Variants in ULK4 observed in about 807,000 individuals in gnomAD.
The protein encoded by ULK4 is inactive serine/threonine-protein kinase ULK4.
ULK4 carries 133 observed loss-of-function variants against 160.6 expected under a neutral mutation model. The observed-to-expected ratio is 0.83, with a 90% CI of 0.72 to 0.96. The LOEUF (loss-of-function observed/expected upper bound fraction) is 0.96. Ranked by LOEUF, ULK4 falls within the 40% of genes least tolerant of loss-of-function variation. The probability of loss-of-function intolerance (pLI) is 0.00; values close to 1 mark genes in which losing one functional copy is unlikely to be tolerated. For missense variants in ULK4, 1,580 were observed against 1,499.5 expected (o/e 1.05, Z -0.89); for synonymous variants, 534 against 539.8 (o/e 0.99, Z 0.15).
intron 32 of ULK4, among the ~76,000 whole-genome samples, chr3:41,491,387 C>T (rs190611614): frequency 5.3e-5 from 8 of 152,058 alleles, no homozygotes; most frequent in African/African-American, 9.6e-5. Flanking sequence ...ACAATGACCA[C>T]GACCATATAT....
chr3:41,400,799 C>T (rs1292193121), intron 34 of ULK4, among the ~76,000 whole-genome samples: 1 of 152,196 alleles, frequency 6.6e-6, no homozygotes, highest in Admixed American at 6.6e-5. Flanking sequence ...TTCCTAGCAT[C>T]AATGTACAAA....
At chr3:41,530,719 G>A (rs1354887448) in intron 32 of ULK4, among the ~76,000 whole-genome samples, 4 of 152,120 alleles carry the variant, frequency 2.6e-5, no homozygotes, top group Non-Finnish European at 5.9e-5. Context: ...AAAACAACTA[G>A]AATAACTGAA....
At chr3:41,625,301 T>C (rs2033446316) in intron 30 of ULK4, among the ~76,000 whole-genome samples, 1 of 152,234 alleles carries the variant, frequency 6.6e-6, no homozygotes, top group African/African-American at 2.4e-5. Flanking sequence ...ATATCTGATA[T>C]CCACGGATTT....
At chr3:41,313,999 G>T (rs1404134947) in intron 35 of ULK4, among the ~76,000 whole-genome samples, 1 of 152,106 alleles carries the variant, frequency 6.6e-6, no homozygotes, top group African/African-American at 2.4e-5. Flanking sequence ...CATGTACAAG[G>T]GTTCCAGCTT....
intron 35 of ULK4, among the ~76,000 whole-genome samples, chr3:41,335,870 C>T (rs1417312028): frequency 6.6e-6 from 1 of 152,172 alleles, no homozygotes; most frequent in Non-Finnish European, 1.5e-5. Context: ...ACGTCAACAT[C>T]AGGTAACCCA....
At chr3:41,517,157 T>TA (rs760461132) in intron 32 of ULK4, among the ~76,000 whole-genome samples, 14 of 152,184 alleles carry the variant, frequency 9.2e-5, no homozygotes, top group Non-Finnish European at 1.6e-4. Context: ...AATTACAAAT[T>TA]AAAAGAATGA....
intron 35 of ULK4, among the ~76,000 whole-genome samples, chr3:41,281,345 C>CA (rs1381877844): frequency 6.6e-6 from 1 of 151,966 alleles, no homozygotes; most frequent in Non-Finnish European, 1.5e-5. Context: ...CAGAGACACA[C>CA]AAAAAAAGAA....
chr3:41,757,214 A>T (rs2038833704), intron 21 of ULK4, among the ~76,000 whole-genome samples: 2 of 152,238 alleles, frequency 1.3e-5, no homozygotes, highest in Admixed American at 6.5e-5. Flanking sequence ...ACATTAACCA[A>T]GGATAATTTA....
intron 2 of ULK4, among the ~76,000 whole-genome samples, chr3:41,948,359 G>A (rs769363732): frequency 2.0e-5 from 3 of 152,070 alleles, no homozygotes; most frequent in African/African-American, 4.8e-5. Context: ...GCTGGGGCAG[G>A]AGAATCGCTT....
At chr3:41,573,450 G>C (rs1268693171) in intron 31 of ULK4, among the ~76,000 whole-genome samples, 1 of 151,944 alleles carries the variant, frequency 6.6e-6, no homozygotes, top group Non-Finnish European at 1.5e-5. Flanking sequence ...TTAAAAGTTT[G>C]GTAAGGATCT....
At chr3:41,392,504 T>C (rs1465558015) in intron 35 of ULK4, among the ~76,000 whole-genome samples, 1 of 152,166 alleles carries the variant, frequency 6.6e-6, no homozygotes, top group East Asian at 1.9e-4. Context: ...TTCCCCAAGA[T>C]GATTCTCTAA....
In ULK4 at chr3:41,269,637, A is replaced by G. The variant is rs142164660; in HGVS notation, c.3679-20063T>C. Among the ~76,000 whole-genome samples the G allele has an allele frequency of 3.1e-4, 48 of 152,382 alleles. 1 individual carries two copies. The East Asian group carries it at 8.7e-3, about 28-fold the overall frequency. On this transcript the variant is annotated intron_variant, in intron 35 of 36. Transcript: ENST00000301831. ...AAGTTGTTTTAATGAAATACAATGT[A>G]TAAAGATGCAAATTTATGAAAAACA... is the stretch of plus-strand genomic sequence containing the variant.
chr3:41,677,332 A>ATT lies in ULK4; in HGVS notation c.2978+4174_2978+4175dup, dbSNP rs199498760. On this transcript the variant is annotated intron_variant, in intron 29 of 36. Coordinates refer to ENST00000301831, the MANE Select transcript of ULK4 (RefSeq NM_017886.4). ...TAAACAAATACTTTAAAGTTCATTCATTTTTTTTTTTTTTTTTGAGATGGA... is the reference window on the plus strand; with the variant it reads ...TAAACAAATACTTTAAAGTTCATTCATTTTTTTTTTTTTTTTTTTGAGATGGA... Among the ~76,000 whole-genome samples, 829 of 128,494 alleles carry ATT rather than the reference A, an allele frequency of 6.5e-3. 12 individuals carry two copies. Among genetic ancestry groups the ATT allele is most frequent in the African/African-American group, 0.023 (792 of 34,730 alleles). 84.3% of individuals were successfully genotyped at this position (128,494 alleles called of 152,430 possible).
At chr3:41,367,167 T>C (rs2081269846) in intron 35 of ULK4, among the ~76,000 whole-genome samples, 1 of 152,216 alleles carries the variant, frequency 6.6e-6, no homozygotes, top group South Asian at 2.1e-4. Context: ...CTTCCTCAAA[T>C]GCCCAGCAAT....
chr3:41,803,347 C>A (rs2040527359), intron 19 of ULK4, among the ~76,000 whole-genome samples: 1 of 151,978 alleles, frequency 6.6e-6, no homozygotes, highest in Admixed American at 6.6e-5. Flanking sequence ...ATGTTCAGGG[C>A]CGTAAAAAAT....
intron 22 of ULK4, among the ~76,000 whole-genome samples, chr3:41,735,706 T>TTATTATTATTATTA (rs1386469889): frequency 1.3e-5 from 2 of 149,966 alleles, no homozygotes; most frequent in African/African-American, 4.9e-5. Context: ...ATTATTATTA[T>TTATTATTATTATTA]TATTATTATA....
At chr3:41,731,166 T>C (rs1167443413) in intron 22 of ULK4, among the ~76,000 whole-genome samples, 1 of 150,742 alleles carries the variant, frequency 6.6e-6, no homozygotes, top group Non-Finnish European at 1.5e-5. Context: ...TTTTATTCAA[T>C]GTAGGCAAGA....
chr3:41,756,504 C>T (rs1462975336), intron 21 of ULK4, among the ~76,000 whole-genome samples: 1 of 152,130 alleles, frequency 6.6e-6, no homozygotes, highest in Non-Finnish European at 1.5e-5. Context: ...ACTGAATACC[C>T]TCAACACTCA....
In ULK4 at chr3:41,581,264, G is replaced by A. The variant is rs79305103; in HGVS notation, c.3121-15134C>T. Reference sequence around the variant, plus strand: ...ATATTGGCCAGGGTAGGTGGGTGGGGAGGCAGGCAGAGAGTACGTTTACCT... The same window carrying A: ...ATATTGGCCAGGGTAGGTGGGTGGGAAGGCAGGCAGAGAGTACGTTTACCT... On this transcript the variant is annotated intron_variant, in intron 31 of 36. Transcript: ENST00000301831. 7.6e-4 allele frequency among the ~76,000 whole-genome samples: 115 copies of A among 152,288 alleles called. 2 individuals carry two copies. In the East Asian group the frequency reaches 0.014, roughly 19 times the overall value.
Sources: gnomAD v4.1 joint callset for allele counts (sites outside exome capture counted in the v4.1 genomes callset) on GRCh38, gnomAD v4.1.1 for gene constraint, MANE v1.5 for transcripts, NCBI Gene and HGNC (gene_info 2026-07-23, HGNC 2026-07-21) for gene names.